Variants in PBRM1 observed in about 807,000 individuals in gnomAD.
The protein encoded by PBRM1 is protein polybromo-1.
Under a neutral mutation model 194.5 loss-of-function variants are expected in PBRM1, and 27 were observed. That is an observed-to-expected ratio of 0.14 (90% confidence interval 0.10 to 0.19). The LOEUF (loss-of-function observed/expected upper bound fraction) is 0.19. Among genes scored for constraint, PBRM1 ranks in the 10% least tolerant of loss-of-function variants. The probability of loss-of-function intolerance (pLI) is 1.00; values close to 1 mark genes in which losing one functional copy is unlikely to be tolerated. For synonymous variants in PBRM1, 655 were observed against 693.2 expected (o/e 0.94, Z 0.87); for missense variants, 1,466 against 2,077.2 (o/e 0.71, Z 5.72).
At chr3:52,642,556 CAG>C (rs913994498) in intron 9 of PBRM1, among the ~76,000 whole-genome samples, 1 of 137,468 alleles carries the variant, frequency 7.3e-6, no homozygotes, top group South Asian at 2.3e-4. Context: ...GCAGAGGTTG[CAG>C]AGATTGTGCC....
At chr3:52,626,005 T>C (rs2095436660) in intron 13 of PBRM1, among the ~76,000 whole-genome samples, 1 of 152,238 alleles carries the variant, frequency 6.6e-6, no homozygotes, top group Admixed American at 6.5e-5. Flanking sequence ...TTAAGATCTT[T>C]CTTTTCATCC....
At chr3:52,663,619 G>A (rs753278542) in intron 3 of PBRM1, among the ~76,000 whole-genome samples, 4 of 152,018 alleles carry the variant, frequency 2.6e-5, no homozygotes, top group Non-Finnish European at 5.9e-5. Context: ...AAAATCATGA[G>A]GCACATAAGA....
intron 13 of PBRM1, among the ~76,000 whole-genome samples, chr3:52,622,066 A>C (rs2095298902): frequency 6.6e-6 from 1 of 151,794 alleles, no homozygotes; most frequent in Non-Finnish European, 1.5e-5. Context: ...AAGGCCAAGC[A>C]TGGTGGCTCA....
At position 52,589,575 on chromosome 3, in the gene PBRM1, C is replaced by T. The variant is rs567606012; in HGVS notation, c.2780-320G>A. ...TAATATCGAAAGGCACAAAGAAGTA[C>T]GTATGTCGTTTCGAATCAAGTAATT... On this transcript the variant is annotated intron_variant, in intron 17 of 29. Transcript: ENST00000296302. Among the ~76,000 whole-genome samples the T allele has an allele frequency of 2.0e-5, 3 of 152,234 alleles. No homozygotes were observed. The East Asian group carries it at 5.8e-4, about 29-fold the overall frequency.
chr3:52,564,013 G>A (rs2153522224), intron 23 of PBRM1, 37 bp downstream of exon 25: 1 of 1,426,324 alleles, frequency 7.0e-7, no homozygotes, highest in South Asian at 1.2e-5. Flanking sequence ...TCAGTTAATG[G>A]AAGTGCTCTT....
intron 3 of PBRM1, among the ~76,000 whole-genome samples, chr3:52,663,455 C>G (rs1490138926): frequency 6.6e-6 from 1 of 152,212 alleles, no homozygotes; most frequent in African/African-American, 2.4e-5. Context: ...TGAAATGAAT[C>G]TCTGAGAACT....
intron 2 of PBRM1, 80 bp from the exon 4 acceptor site, chr3:52,668,725 G>T: frequency 1.2e-5 from 7 of 580,154 alleles, no homozygotes; most frequent in Admixed American, 4.7e-5. Context: ...TTATGGTAAT[G>T]TTCAACATTC....
intron 17 of PBRM1, among the ~76,000 whole-genome samples, chr3:52,592,249 G>T (rs1335084913): frequency 2.0e-5 from 3 of 150,830 alleles, no homozygotes; most frequent in East Asian, 1.9e-4. Flanking sequence ...CTCCTGCCTC[G>T]GCCTCTCGAA....
Position 52,609,722 on chromosome 3 carries a change from C to A in PBRM1, c.2158G>T (p.Asp720Tyr). The change falls in exon 16 of 30, where the codon GAT becomes TAT. Residue 720 changes from aspartate to tyrosine, a missense_variant. Physicochemically the swap from Asp to Tyr is radical, Grantham distance 160. Transcript: ENST00000296302. This position sits in a 1 kb window ranked among gnomAD's most constrained non-coding sequence, Gnocchi z 4.1. ...AAGTCCTCAACCATAGAGTCAATAT[C>A]TTGGTACTTGTTGGCCATCATGTGA... 1 of 1,611,116 alleles carries A rather than the reference C, an allele frequency of 6.2e-7. No individual in the cohort carries two copies. The highest frequency in any genetic ancestry group is 8.5e-7 in the Non-Finnish European group (1 of 1,178,876).
At chr3:52,565,905 C>T (rs1187737428) in intron 22 of PBRM1, among the ~76,000 whole-genome samples, 2 of 151,918 alleles carry the variant, frequency 1.3e-5, no homozygotes, top group East Asian at 3.9e-4. Flanking sequence ...AAAAAATTAG[C>T]GGGGTGTGGT....
rs531871854 is a variant in PBRM1 at position 52,572,742 on chromosome 3, A to G, written c.3691+3799T>C. On this transcript the variant is annotated intron_variant, in intron 22 of 29. Transcript: ENST00000296302. The stretch of plus-strand genomic sequence containing the variant: ...CTGAAAAAAGAACATAACCGTTGGA[A>G]AAACAGGATTGTCTCCTTTGTATGT... 2.0e-5 allele frequency among the ~76,000 whole-genome samples: 3 copies of G among 152,372 alleles called. No homozygotes were observed. The East Asian group carries it at 5.8e-4, about 29-fold the overall frequency.
chr3:52,682,209 A>C (rs2154076837), upstream of PBRM1: 1 of 152,268 alleles, frequency 6.6e-6, no homozygotes, highest in South Asian at 2.1e-4. Context: ...TGGGAGGCTC[A>C]CATGTGACAC....
chr3:52,614,473 GGTATCTATTT>G (rs758670485), intron 15 of PBRM1, among the ~76,000 whole-genome samples: 8 of 148,918 alleles, frequency 5.4e-5, no homozygotes, highest in Non-Finnish European at 1.0e-4. Context: ...TCAATTGCTT[GGTATCTATTT>G]TATTTACATC....
At chr3:52,617,131 A>T in intron 14 of PBRM1, 131 bp downstream of exon 16, 3 of 659,860 alleles carry the variant, frequency 4.5e-6, no homozygotes, top group Non-Finnish European at 7.4e-6. Flanking sequence ...ATGAAGAAAA[A>T]TCAATTAACC....
intron 20 of PBRM1, 98 bp downstream of exon 22, chr3:52,586,327 G>T: frequency 9.8e-7 from 1 of 1,019,554 alleles, no homozygotes; most frequent in Non-Finnish European, 1.4e-6. Flanking sequence ...GTTTTGTGTT[G>T]TTGCTCTTTT....
chr3:52,658,225 G>T (rs1207845767), exon 5 of PBRM1: 2 of 1,606,164 alleles, frequency 1.2e-6, no homozygotes, highest in African/African-American at 1.3e-5. Flanking sequence ...TTCTGAAAAA[G>T]TTCGCTAATG....
chr3:52,656,000 A>G (rs2096600632), intron 5 of PBRM1, among the ~76,000 whole-genome samples: 1 of 152,224 alleles, frequency 6.6e-6, no homozygotes, highest in Non-Finnish European at 1.5e-5. Flanking sequence ...GGGAGTAGAA[A>G]AGAAGGCAGA....
At chr3:52,550,433 G>C (rs1450064934) in exon 29 of PBRM1, 2 of 1,466,452 alleles carry the variant, frequency 1.4e-6, no homozygotes, top group African/African-American at 1.4e-5. Flanking sequence ...GCCAGTGTCT[G>C]ATCCCACTTG....
downstream of PBRM1, chr3:52,547,166 T>G (rs2079787440): frequency 4.3e-6 from 1 of 232,924 alleles, no homozygotes; most frequent in South Asian, 1.8e-4. Context: ...GTAACAGGTT[T>G]AAAATTTTAA....
Sources: allele counts gnomAD v4.1 joint callset (sites outside exome capture counted in the v4.1 genomes callset), GRCh38; gene constraint gnomAD v4.1.1; non-coding constraint Gnocchi (gnomAD v3.1); transcripts MANE v1.5; gene names NCBI Gene and HGNC (gene_info 2026-07-23, HGNC 2026-07-21).